Variants in HS3ST3A1 observed in about 807,000 individuals in gnomAD.
The protein encoded by HS3ST3A1 is heparan sulfate glucosamine 3-O-sulfotransferase 3A1.
A neutral mutation model predicts 25.7 loss-of-function variants in HS3ST3A1; 19 were observed. That is an observed-to-expected ratio of 0.74 (90% CI 0.52 to 1.08). HS3ST3A1 has a LOEUF of 1.08. Ranked by LOEUF, HS3ST3A1 falls within the 50% of genes least tolerant of loss-of-function variation. The pLI, the probability that HS3ST3A1 is intolerant of heterozygous loss-of-function variation, is 0.00. For missense variants in HS3ST3A1, 459 were observed against 594.3 expected (o/e 0.77, Z 2.37); for synonymous variants, 226 against 278.6 (o/e 0.81, Z 1.88).
intron 1 of HS3ST3A1, among the ~76,000 whole-genome samples, chr17:13,553,783 C>A (rs1404859593): frequency 6.6e-6 from 1 of 152,116 alleles, no homozygotes; most frequent in African/African-American, 2.4e-5. Flanking sequence ...TTAAGCTCAT[C>A]ATCCCTAATC....
intron 1 of HS3ST3A1, among the ~76,000 whole-genome samples, chr17:13,499,239 C>T (rs1458043642): frequency 6.6e-6 from 1 of 152,128 alleles, no homozygotes; most frequent in African/African-American, 2.4e-5. Flanking sequence ...TAGAACTCAT[C>T]CCTCTGTGAC....
intron 1 of HS3ST3A1, among the ~76,000 whole-genome samples, chr17:13,589,509 T>A (rs1180624378): frequency 6.6e-6 from 1 of 152,174 alleles, no homozygotes; most frequent in Non-Finnish European, 1.5e-5. Context: ...ACAAATAATG[T>A]TGTAATCCAA....
chr17:13,600,550 T>C lies in HS3ST3A1; in HGVS notation c.580A>G (p.Lys194Glu). The stretch of plus-strand genomic sequence containing the variant: ...GCTCACCGGTACCAGGCGAGGCCCT[T>C]GTCGTAGCTGCGGTCGAAGAAGTGG... Reference protein sequence around the residue: ...EPHFFDRSYDKGLAWYRDLMP... With the variant: ...EPHFFDRSYDEGLAWYRDLMP... The change falls in exon 1 of 2, where the codon AAG becomes GAG. Residue 194 changes from lysine to glutamate, a missense_variant. Around this residue, in one of 3 missense-constraint regions of HS3ST3A1, gnomAD observed 346 missense variants for 303.9 expected, o/e 1.14. Coordinates refer to ENST00000284110, the MANE Select transcript of HS3ST3A1 (RefSeq NM_006042.3). The C allele has an allele frequency of 6.2e-7, 1 of 1,600,342 alleles. No homozygotes were observed. Among genetic ancestry groups the C allele is most frequent in the African/African-American group, 1.3e-5 (1 of 74,584 alleles).
intron 1 of HS3ST3A1, among the ~76,000 whole-genome samples, chr17:13,507,201 T>A (rs551181729): frequency 6.6e-6 from 1 of 152,150 alleles, no homozygotes; most frequent in South Asian, 2.1e-4. Flanking sequence ...GGGAAGAGCA[T>A]CATGAAGACA....
chr17:13,547,977 G>A (rs561040835), intron 1 of HS3ST3A1, among the ~76,000 whole-genome samples: 10 of 150,140 alleles, frequency 6.7e-5, no homozygotes, highest in East Asian at 1.9e-4. Flanking sequence ...CACGTTTGGC[G>A]TCAGGTATGG....
intron 1 of HS3ST3A1, among the ~76,000 whole-genome samples, chr17:13,498,671 C>T (rs140564727): frequency 1.9e-4 from 29 of 152,334 alleles, no homozygotes; most frequent in East Asian, 9.7e-4. Flanking sequence ...GCCTTGCAGG[C>T]TTCCCCAAAC....
intron 1 of HS3ST3A1, among the ~76,000 whole-genome samples, chr17:13,594,435 G>C (rs768360070): frequency 6.6e-6 from 1 of 152,150 alleles, no homozygotes; most frequent in Non-Finnish European, 1.5e-5. Context: ...TCTCAACAGG[G>C]CATCTCAGGC....
intron 1 of HS3ST3A1, among the ~76,000 whole-genome samples, chr17:13,576,624 G>A (rs1567627892): frequency 6.6e-6 from 1 of 152,180 alleles, no homozygotes; most frequent in African/African-American, 2.4e-5. Context: ...AAGAGTATAT[G>A]ACTTTGTGGA....
intron 1 of HS3ST3A1, among the ~76,000 whole-genome samples, chr17:13,564,816 C>T (rs558123549): frequency 2.1e-4 from 32 of 151,500 alleles, no homozygotes; most frequent in Middle Eastern, 3.2e-3. Context: ...TTCCACCTCC[C>T]GAGTTCAAAT....
intron 1 of HS3ST3A1, among the ~76,000 whole-genome samples, chr17:13,589,318 G>A (rs1365055942): frequency 6.6e-6 from 1 of 152,140 alleles, no homozygotes; most frequent in Admixed American, 6.5e-5. Flanking sequence ...TCTCCAATTT[G>A]CCACCCTTCG....
At chr17:13,561,081 T>C (rs947188607) in intron 1 of HS3ST3A1, among the ~76,000 whole-genome samples, 1 of 152,154 alleles carries the variant, frequency 6.6e-6, no homozygotes, top group Non-Finnish European at 1.5e-5. Context: ...AGAGTCATCT[T>C]GGGAGCTTTT....
chr17:13,557,213 TCA>T (rs1335594173), intron 1 of HS3ST3A1, among the ~76,000 whole-genome samples: 1 of 152,334 alleles, frequency 6.6e-6, no homozygotes, highest in Non-Finnish European at 1.5e-5. Flanking sequence ...TTTCCCCTCT[TCA>T]CAGTTGCTGA....
chr17:13,565,486 C>T (rs780274400), intron 1 of HS3ST3A1, among the ~76,000 whole-genome samples: 10 of 152,076 alleles, frequency 6.6e-5, no homozygotes, highest in East Asian at 1.9e-4. Context: ...GAGCTGTGAT[C>T]GTGCCACTGC....
At position 13,562,820 on chromosome 17, in the gene HS3ST3A1, A is replaced by G. The variant is rs545629579; in HGVS notation, c.599+37711T>C. Among the ~76,000 whole-genome samples, 3 of 152,256 alleles carry G rather than the reference A, an allele frequency of 2.0e-5. No individual in the cohort carries two copies. In the East Asian group the frequency reaches 5.8e-4, roughly 29 times the overall value. On this transcript the variant is annotated intron_variant, in intron 1 of 1. Transcript: ENST00000284110. ...GCCAGTCGATGTGCCCTGTGACCGT[A>G]AACCATCTTATATTTACTATGACAG... is the stretch of plus-strand genomic sequence containing the variant.
At chr17:13,496,921 C>CA (rs1905303494) in intron 1 of HS3ST3A1, 103 bp from the exon 2 acceptor site, 2 of 1,474,518 alleles carry the variant, frequency 1.4e-6, no homozygotes, top group African/African-American at 1.4e-5. Context: ...CCAGCCCCCG[C>CA]AACCCCCCAC....
intron 1 of HS3ST3A1, among the ~76,000 whole-genome samples, chr17:13,503,346 A>C (rs1905550336): frequency 6.6e-6 from 1 of 152,206 alleles, no homozygotes; most frequent in South Asian, 2.1e-4. Context: ...AGGAGGAATA[A>C]GTTCTAGTGT....
At chr17:13,591,048 C>CTTTT (rs552742240) in intron 1 of HS3ST3A1, among the ~76,000 whole-genome samples, 9 of 136,668 alleles carry the variant, frequency 6.6e-5, no homozygotes, top group African/African-American at 2.2e-4. Context: ...TTTTTCTTTT[C>CTTTT]TTTTTTTTTT....
At chr17:13,576,245 G>T (rs553877795) in intron 1 of HS3ST3A1, among the ~76,000 whole-genome samples, 1 of 152,328 alleles carries the variant, frequency 6.6e-6, no homozygotes, top group South Asian at 2.1e-4. Context: ...TTAAGTGGGT[G>T]GTCCCAGCTC....
intron 1 of HS3ST3A1, among the ~76,000 whole-genome samples, chr17:13,550,923 C>T (rs536043472): frequency 2.0e-5 from 3 of 151,688 alleles, no homozygotes; most frequent in South Asian, 2.1e-4. Flanking sequence ...AAAAATTAGC[C>T]GGGCATGGTG....
Sources: allele counts gnomAD v4.1 joint callset (sites outside exome capture counted in the v4.1 genomes callset), GRCh38; gene constraint gnomAD v4.1.1; regional missense constraint gnomAD v4.1.1; transcripts MANE v1.5; gene names NCBI Gene and HGNC (gene_info 2026-07-23, HGNC 2026-07-21).